The following PDE4D variants were observed in gnomAD, a reference collection of about 807,000 sequenced individuals.
PDE4D encodes phosphodiesterase 4D, also known as 3',5'-cyclic-AMP phosphodiesterase 4D.
In PDE4D, 24 loss-of-function variants were observed where a neutral mutation model predicts 87.4. That is an observed-to-expected ratio of 0.27 (90% CI 0.20 to 0.39). The LOEUF (loss-of-function observed/expected upper bound fraction) is 0.39, where lower values mean the gene tolerates loss of function less well. PDE4D is among the 10% of genes least tolerant of loss of function. The probability of loss-of-function intolerance (pLI) is 1.00; values close to 1 mark genes in which losing one functional copy is unlikely to be tolerated. For synonymous variants in PDE4D, 384 were observed against 383.2 expected, an observed-to-expected ratio of 1.00 and a Z score of -0.02; for missense variants, 714 against 1,041.0, an observed-to-expected ratio of 0.69 and a Z score of 4.32.
intron 2 of PDE4D, among the ~76,000 whole-genome samples, chr5:60,052,122 C>CTG (rs1363868351): frequency 6.6e-6 from 1 of 152,174 alleles, no homozygotes; most frequent in African/African-American, 2.4e-5. Flanking sequence ...CAAAGAGGAG[C>CTG]TGGTACCATT....
At chr5:59,478,156 G>A (rs1803641318) in intron 1 of PDE4D, among the ~76,000 whole-genome samples, 1 of 151,994 alleles carries the variant, frequency 6.6e-6, no homozygotes, top group Non-Finnish European at 1.5e-5. Context: ...ATATACCCAT[G>A]TAACAAACCT....
rs186689202 is a variant in PDE4D, at chr5:60,502,494, T to C, written n.70+19557A>G. 1.6e-4 allele frequency among the ~76,000 whole-genome samples: 24 copies of C among 152,208 alleles called. 1 individual carries two copies. In the East Asian group the frequency reaches 4.2e-3, roughly 27 times the overall value. Reference sequence around the variant, plus strand: ...TTGACTTGGCAATGCGGGATCTTTTTTGGTGCCATATGAACTTTAAAGTAG... The same window carrying C: ...TTGACTTGGCAATGCGGGATCTTTTCTGGTGCCATATGAACTTTAAAGTAG... On this transcript the variant is annotated intron_variant and non_coding_transcript_variant, in intron 1 of 2. Coordinates refer to the PDE4D transcript ENST00000506510.
intron 5 of PDE4D, among the ~76,000 whole-genome samples, chr5:59,107,683 G>C (rs1375332716): frequency 6.6e-6 from 1 of 152,118 alleles, no homozygotes; most frequent in Non-Finnish European, 1.5e-5. Context: ...GTGGAGGGAG[G>C]AATATGCTGT....
intron 1 of PDE4D, among the ~76,000 whole-genome samples, chr5:59,745,173 C>T (rs192173633): frequency 4.7e-4 from 71 of 152,078 alleles, no homozygotes; most frequent in African/African-American, 1.7e-3. Context: ...CTAAAAATGC[C>T]TACATATCTA....
intron 1 of PDE4D, among the ~76,000 whole-genome samples, chr5:60,240,249 G>T (rs1249449011): frequency 1.3e-5 from 2 of 151,952 alleles, no homozygotes; most frequent in Admixed American, 6.6e-5. Context: ...GGAATAGAAG[G>T]CCCCACTGAT....
At chr5:60,242,452 T>C (rs1747237378) in intron 1 of PDE4D, among the ~76,000 whole-genome samples, 4 of 152,204 alleles carry the variant, frequency 2.6e-5, no homozygotes, top group Admixed American at 2.6e-4. Context: ...TCAGACTTAA[T>C]ATGCACTATA....
At chr5:59,800,181 A>C (rs1350173631) in intron 1 of PDE4D, among the ~76,000 whole-genome samples, 1 of 152,162 alleles carries the variant, frequency 6.6e-6, no homozygotes, top group East Asian at 1.9e-4. Flanking sequence ...AAACAGTTTC[A>C]GTGCAGTATT....
At chr5:59,709,793 T>C (rs747917292) in intron 1 of PDE4D, among the ~76,000 whole-genome samples, 4 of 152,176 alleles carry the variant, frequency 2.6e-5, no homozygotes, top group Non-Finnish European at 5.9e-5. Flanking sequence ...ATAGCATGGT[T>C]AGCTTAGATC....
chr5:59,746,092 T>C (rs1358088572), intron 1 of PDE4D, among the ~76,000 whole-genome samples: 3 of 152,146 alleles, frequency 2.0e-5, no homozygotes, highest in African/African-American at 7.2e-5. Flanking sequence ...GCAATATATA[T>C]ATTTTTTCAA....
At chr5:59,439,070 A>G (rs1331667978) in intron 1 of PDE4D, among the ~76,000 whole-genome samples, 1 of 152,160 alleles carries the variant, frequency 6.6e-6, no homozygotes, top group Non-Finnish European at 1.5e-5. Context: ...AAGAATGAAT[A>G]TGTTGGGGCT....
At chr5:59,768,454 T>C (rs1447327772) in intron 1 of PDE4D, 3 of 1,598,272 alleles carry the variant, frequency 1.9e-6, no homozygotes, top group African/African-American at 1.3e-5. Context: ...GTTTGGACAA[T>C]GCGGATTATC....
Position 59,215,422 on chromosome 5 carries a change from T to C in PDE4D, c.647+355A>G, listed in dbSNP as rs1751006318. On this transcript the variant is annotated intron_variant, in intron 2 of 14. Coordinates refer to ENST00000340635, the MANE Select transcript of PDE4D (RefSeq NM_001104631.2). ...GAAAGCTTTTCAAAATATTAGAAAA[T>C]ATCCATGTAGTTAGGTAGCTAAAAC... 9 of 257,252 alleles carry C rather than the reference T, an allele frequency of 3.5e-5. No individual in the cohort carries two copies. In the South Asian group the frequency reaches 4.3e-4, roughly 12 times the overall value. 15.9% of individuals were successfully genotyped at this position (257,252 alleles called of 1,614,324 possible). A position where few individuals can be genotyped will look rare whatever the true frequency, so the allele number is the denominator to read the frequency against.
intron 1 of PDE4D, among the ~76,000 whole-genome samples, chr5:60,329,322 C>CT (rs1243337704): frequency 6.6e-6 from 1 of 152,110 alleles, no homozygotes; most frequent in African/African-American, 2.4e-5. Flanking sequence ...ACAAAGGGCA[C>CT]TTCCCCTGCT....
rs578041560 is a variant in PDE4D at position 59,074,602 on chromosome 5, C to T, written c.809-35631G>A. Among the ~76,000 whole-genome samples the T allele has an allele frequency of 1.1e-4, 16 of 152,058 alleles. No individual in the cohort carries two copies. In the South Asian group the frequency reaches 2.3e-3, roughly 22 times the overall value. ...GTGAAACCTCATCTCTACTAAAATA[C>T]GAAAACATAACTAGGCGTGGTGGTG... On this transcript the variant is annotated intron_variant, in intron 5 of 14. Coordinates refer to ENST00000340635, the MANE Select transcript of PDE4D (RefSeq NM_001104631.2).
intron 1 of PDE4D, among the ~76,000 whole-genome samples, chr5:59,306,192 G>A (rs1771323242): frequency 6.6e-6 from 1 of 152,124 alleles, no homozygotes; most frequent in Admixed American, 6.6e-5. Context: ...TGTTTTGTGT[G>A]ACACAAGAAT....
At chr5:59,624,003 C>T (rs1418863343) in intron 1 of PDE4D, among the ~76,000 whole-genome samples, 2 of 150,250 alleles carry the variant, frequency 1.3e-5, no homozygotes, top group Non-Finnish European at 2.9e-5. Flanking sequence ...TTTGGCCTTA[C>T]TATTTTTTAT....
chr5:59,012,424 G>C (rs1006895125), intron 6 of PDE4D, among the ~76,000 whole-genome samples: 8 of 152,056 alleles, frequency 5.3e-5, no homozygotes, highest in African/African-American at 9.7e-5. Flanking sequence ...CATGCAGAGA[G>C]ACACATAGGC....
At chr5:59,401,448 C>G (rs978872236) in intron 1 of PDE4D, among the ~76,000 whole-genome samples, 1 of 96,478 alleles carries the variant, frequency 1.0e-5, no homozygotes, top group Admixed American at 1.0e-4. Context: ...TAGAGACTAT[C>G]TATCTATCTA....
chr5:59,219,886 A>T (rs1324569599), intron 1 of PDE4D, among the ~76,000 whole-genome samples: 1 of 152,166 alleles, frequency 6.6e-6, no homozygotes, highest in Non-Finnish European at 1.5e-5. Flanking sequence ...GGTGGAGGCC[A>T]TCCAGCAAAA....
Sources: allele counts gnomAD v4.1 joint callset (sites outside exome capture counted in the v4.1 genomes callset), GRCh38; gene constraint gnomAD v4.1.1; transcripts MANE v1.5; gene names NCBI Gene and HGNC (gene_info 2026-07-23, HGNC 2026-07-21).